Variants in FAM53B observed in about 807,000 individuals in gnomAD.
FAM53B encodes the protein family with sequence similarity 53 member B, also known as protein FAM53B.
In FAM53B, 12 loss-of-function variants were observed where a neutral mutation model predicts 32.7. The ratio of observed to expected loss-of-function variants is 0.37; its 90% CI spans 0.24 to 0.59. The LOEUF is 0.59. Ranked by LOEUF, FAM53B falls within the 20% of genes least tolerant of loss-of-function variation. FAM53B has a pLI of 0.72. For synonymous variants in FAM53B, 234 were observed against 228.7 expected, an observed-to-expected ratio of 1.02 and a Z score of -0.21; for missense variants, 477 against 577.7, an observed-to-expected ratio of 0.83 and a Z score of 1.79.
intron 1 of FAM53B, chr10:124,742,395 A>G (rs1950205098): frequency 1.3e-5 from 2 of 152,222 alleles, no homozygotes; most frequent in African/African-American, 4.8e-5. Context: ...AATGAAACAA[A>G]AACCTGGCCT....
At chr10:124,626,060 C>T (rs919957372) in intron 4 of FAM53B, among the ~76,000 whole-genome samples, 21 of 152,278 alleles carry the variant, frequency 1.4e-4, no homozygotes, top group African/African-American at 4.8e-4. Context: ...AGGCCGACTG[C>T]CTTGGGTGTC....
intron 4 of FAM53B, among the ~76,000 whole-genome samples, chr10:124,629,264 C>A (rs1300822325): frequency 6.6e-6 from 1 of 152,162 alleles, no homozygotes; most frequent in Admixed American, 6.5e-5. Flanking sequence ...ATGAGGCTTC[C>A]TCTGGGCCCC....
chr10:124,736,471 C>T (rs1950174864), intron 1 of FAM53B, among the ~76,000 whole-genome samples: 1 of 152,270 alleles, frequency 6.6e-6, no homozygotes, highest in Non-Finnish European at 1.5e-5. Context: ...ATGGAGACAC[C>T]CAGCTGCAGA....
At chr10:124,741,527 G>A (rs542594425) in intron 1 of FAM53B, among the ~76,000 whole-genome samples, 3 of 152,320 alleles carry the variant, frequency 2.0e-5, no homozygotes, top group South Asian at 2.1e-4. Flanking sequence ...TCCAAAAGGG[G>A]AGGAGAGCAG....
At chr10:124,713,051 G>A (rs1476676221) in intron 1 of FAM53B, among the ~76,000 whole-genome samples, 3 of 152,114 alleles carry the variant, frequency 2.0e-5, no homozygotes, top group South Asian at 2.1e-4. Context: ...TCAGCAAGAC[G>A]CCCCATGCCC....
At chr10:124,735,813 G>T (rs1219491931) in intron 1 of FAM53B, among the ~76,000 whole-genome samples, 1 of 152,242 alleles carries the variant, frequency 6.6e-6, no homozygotes, top group Non-Finnish European at 1.5e-5. Flanking sequence ...CCATACTCCA[G>T]AAGAAGGAAT....
intron 4 of FAM53B, among the ~76,000 whole-genome samples, chr10:124,643,069 AAAG>A (rs1427469993): frequency 1.3e-5 from 2 of 152,242 alleles, no homozygotes; most frequent in African/African-American, 4.8e-5. Context: ...TAAAGAAAGA[AAAG>A]AAAGAGCACG....
intron 3 of FAM53B, among the ~76,000 whole-genome samples, chr10:124,685,747 A>C (rs1949798758): frequency 6.6e-6 from 1 of 152,148 alleles, no homozygotes; most frequent in Non-Finnish European, 1.5e-5. Flanking sequence ...GAGCCAGCTA[A>C]ATAGGAACAC....
At position 124,620,502 on chromosome 10, in the gene FAM53B, AAAGT is replaced by A. The variant is rs949334625; in HGVS notation, c.*2736_*2739del. ...AGGGTTTGTGGGCAAGGCTGTGACA[AAAGT>A]AAGGCTCCTGCCACTGCCCCCAGCT... On this transcript the variant is annotated 3_prime_UTR_variant, in exon 5 of 5. Transcript: ENST00000337318. 2.3e-4 allele frequency: 35 copies of A among 152,292 alleles called. No homozygotes were observed. The highest frequency in any genetic ancestry group is 8.4e-4 in the African/African-American group (35 of 41,450). 9.4% of individuals were successfully genotyped at this position (152,292 alleles called of 1,614,324 possible). A position where few individuals can be genotyped will look rare whatever the true frequency, so the allele number is the denominator to read the frequency against.
At chr10:124,677,744 T>C (rs1271716333) in intron 4 of FAM53B, among the ~76,000 whole-genome samples, 1 of 152,132 alleles carries the variant, frequency 6.6e-6, no homozygotes, top group African/African-American at 2.4e-5. Flanking sequence ...GTGTGTCTCA[T>C]CCCCGACAGA....
At chr10:124,738,308 C>A (rs1281202389) in intron 1 of FAM53B, among the ~76,000 whole-genome samples, 1 of 152,062 alleles carries the variant, frequency 6.6e-6, no homozygotes, top group Non-Finnish European at 1.5e-5. Context: ...GTTGCTGCCC[C>A]CCTCTCCAAG....
intron 4 of FAM53B, among the ~76,000 whole-genome samples, chr10:124,655,576 T>TAACG (rs1409866964): frequency 6.6e-6 from 1 of 152,088 alleles, no homozygotes; most frequent in Non-Finnish European, 1.5e-5. Context: ...CCACTCCAGG[T>TAACG]AACGCCCACT....
chr10:124,692,135 C>A (rs1949836551), intron 3 of FAM53B, among the ~76,000 whole-genome samples: 1 of 152,226 alleles, frequency 6.6e-6, no homozygotes, highest in East Asian at 1.9e-4. Context: ...GTCAAAACAG[C>A]CTCCGCTGGC....
chr10:124,664,048 G>C (rs1949650527), intron 4 of FAM53B, among the ~76,000 whole-genome samples: 1 of 152,112 alleles, frequency 6.6e-6, no homozygotes, highest in African/African-American at 2.4e-5. Flanking sequence ...ATGCTTTCCA[G>C]GGAGCTTGGG....
intron 3 of FAM53B, 45 bp downstream of exon 3, chr10:124,696,113 G>A (rs748049773): frequency 1.3e-6 from 2 of 1,542,522 alleles, no homozygotes; most frequent in South Asian, 2.2e-5. Context: ...GACCCTGGCT[G>A]GAAGGACTAG....
At chr10:124,727,327 T>C (rs1370746093) in intron 1 of FAM53B, among the ~76,000 whole-genome samples, 3 of 9,334 alleles carry the variant, frequency 3.2e-4, no homozygotes, top group African/African-American at 9.7e-4. Context: ...ACCTGAGTGA[T>C]TGTGGGGGGG....
intron 3 of FAM53B, among the ~76,000 whole-genome samples, chr10:124,691,047 GCT>G (rs1949829706): frequency 6.6e-6 from 1 of 152,184 alleles, no homozygotes; most frequent in African/African-American, 2.4e-5. Flanking sequence ...AAGCACTCAA[GCT>G]CTGAGGGCCA....
At chr10:124,660,318 G>A (rs1361877067) in intron 4 of FAM53B, among the ~76,000 whole-genome samples, 2 of 152,180 alleles carry the variant, frequency 1.3e-5, no homozygotes, top group Non-Finnish European at 2.9e-5. Context: ...GGCAACACAA[G>A]ACAGCTTGGA....
At chr10:124,635,333 T>G (rs7078673) in intron 4 of FAM53B, among the ~76,000 whole-genome samples, 16 of 152,144 alleles carry the variant, frequency 1.1e-4, no homozygotes, top group African/African-American at 3.6e-4. Flanking sequence ...CCTTGTGATC[T>G]GCCTCGGCCT....
Sources: allele counts gnomAD v4.1 joint callset (sites outside exome capture counted in the v4.1 genomes callset), GRCh38; gene constraint gnomAD v4.1.1; transcripts MANE v1.5; gene names NCBI Gene and HGNC (gene_info 2026-07-23, HGNC 2026-07-21).